The following CCSER1 variants were observed in gnomAD, a reference collection of about 807,000 sequenced individuals.
CCSER1 encodes the protein serine-rich coiled-coil domain-containing protein 1.
A neutral mutation model predicts 82.0 loss-of-function variants in CCSER1; 41 were observed. The observed-to-expected ratio is 0.50, with a 90% confidence interval of 0.39 to 0.65. CCSER1 has a LOEUF of 0.65. CCSER1 is among the 30% of genes least tolerant of loss of function. CCSER1 has a pLI of 0.00. For missense variants in CCSER1, 1,119 were observed against 1,064.2 expected (o/e 1.05, Z -0.72); for synonymous variants, 414 against 383.9 (o/e 1.08, Z -0.92).
At chr4:91,419,700 A>G (rs1395906957) in intron 10 of CCSER1, among the ~76,000 whole-genome samples, 1 of 152,052 alleles carries the variant, frequency 6.6e-6, no homozygotes, top group South Asian at 2.1e-4. Flanking sequence ...AATAGAAAAA[A>G]ATCTAAAATT....
At chr4:90,920,371 C>T (rs1287282637) in intron 8 of CCSER1, among the ~76,000 whole-genome samples, 1 of 151,978 alleles carries the variant, frequency 6.6e-6, no homozygotes, top group Non-Finnish European at 1.5e-5. Flanking sequence ...TCTATCCTTT[C>T]TGGCATAAAC....
chr4:90,508,837 G>A (rs1195121185), intron 5 of CCSER1, among the ~76,000 whole-genome samples: 1 of 151,906 alleles, frequency 6.6e-6, no homozygotes, highest in African/African-American at 2.4e-5. Context: ...ATTGACAATA[G>A]AAATAACTTT....
rs190446735 is a variant in CCSER1, at chr4:90,635,950, C to T, written c.1932+7718C>T. 1.8e-4 allele frequency among the ~76,000 whole-genome samples: 27 copies of T among 151,304 alleles called. No individual in the cohort carries two copies. The East Asian group carries it at 1.9e-3, about 11-fold the overall frequency. ...AAAAGAAGGGCAAATTAAATCCAAA[C>T]GAAGCATGTAGAAAGACATAATAAA... On this transcript the variant is annotated intron_variant, in intron 6 of 10. Transcript: ENST00000509176.
At chr4:91,582,770 C>T (rs764703686) in intron 10 of CCSER1, among the ~76,000 whole-genome samples, 3 of 151,330 alleles carry the variant, frequency 2.0e-5, no homozygotes, top group African/African-American at 4.8e-5. Context: ...GGATTATTTA[C>T]CTTAGGGAAA....
intron 7 of CCSER1, 124 bp from the exon 8 acceptor site, chr4:90,815,638 T>C: frequency 8.2e-6 from 5 of 610,150 alleles, no homozygotes; most frequent in Non-Finnish European, 1.4e-5. Flanking sequence ...TATCATACTA[T>C]AGAGGGAATT....
Position 91,598,590 on chromosome 4 carries a change from A to G in CCSER1, c.2236A>G (p.Ile746Val). ...ACCATAGGCTACATATCGAAATCGA[A>G]TTGTGAGCCAAAATCTCAGCACAAG... ...GGREATYRNR[I>V]VSQNLSTRDR... Residue 746 changes from isoleucine (I) to valine (V), a missense_variant, in exon 11 of 11, where the codon ATT becomes GTT. Coordinates refer to ENST00000509176, the MANE Select transcript of CCSER1 (RefSeq NM_001145065.2). The G allele has an allele frequency of 6.5e-7, 1 of 1,548,938 alleles. No individual in the cohort carries two copies. Among genetic ancestry groups the G allele is most frequent in the Non-Finnish European group, 8.7e-7 (1 of 1,145,146 alleles).
chr4:90,775,357 C>T (rs1023178928), intron 7 of CCSER1, among the ~76,000 whole-genome samples: 16 of 152,080 alleles, frequency 1.1e-4, no homozygotes, highest in African/African-American at 3.9e-4. Flanking sequence ...ATTATTATTC[C>T]ATTCAGGTAC....
At chr4:91,188,753 T>C (rs566774850) in intron 10 of CCSER1, among the ~76,000 whole-genome samples, 2 of 152,278 alleles carry the variant, frequency 1.3e-5, no homozygotes, top group South Asian at 4.1e-4. Context: ...TGCTTGATAC[T>C]TTTGTGATTC....
At chr4:90,385,119 C>A (rs140955367) in intron 3 of CCSER1, among the ~76,000 whole-genome samples, 2 of 152,180 alleles carry the variant, frequency 1.3e-5, no homozygotes, top group African/African-American at 4.8e-5. Context: ...TTTTCTTTAT[C>A]TACTCATCGG....
rs1248600879 is a variant in CCSER1 at position 90,127,631 on chromosome 4, C to G, written c.-242C>G. On this transcript the variant is annotated 5_prime_UTR_variant, in exon 1 of 11. Transcript: ENST00000509176. ...AAGCGGTGGCTCGGGCAGAGCAGCT[C>G]CGCTGGCGCAGGCAGGAGGAGCAGG... 1 of 152,868 alleles carries G rather than the reference C, an allele frequency of 6.5e-6. No individual in the cohort carries two copies. The highest frequency in any genetic ancestry group is 1.5e-5 in the Non-Finnish European group (1 of 68,588). The allele number at this position is 152,868 out of a possible 1,614,324, so 9.5% of individuals were successfully genotyped here. A position where few individuals can be genotyped will look rare whatever the true frequency, so the allele number is the denominator to read the frequency against.
chr4:91,494,080 C>T (rs535982724), intron 10 of CCSER1, among the ~76,000 whole-genome samples: 2 of 151,782 alleles, frequency 1.3e-5, no homozygotes, highest in African/African-American at 2.4e-5. Context: ...GAAGAGAGCA[C>T]GTTAGATAAG....
chr4:91,160,490 G>A (rs1237025278), intron 10 of CCSER1, among the ~76,000 whole-genome samples: 1 of 152,158 alleles, frequency 6.6e-6, no homozygotes, highest in Non-Finnish European at 1.5e-5. Context: ...TACAGTGGTT[G>A]AACTAGTTTA....
intron 10 of CCSER1, among the ~76,000 whole-genome samples, chr4:91,145,613 A>G (rs1729461482): frequency 6.6e-6 from 1 of 151,824 alleles, no homozygotes; most frequent in South Asian, 2.1e-4. Context: ...CTATCTTTAA[A>G]TCTCTCTTCG....
intron 5 of CCSER1, among the ~76,000 whole-genome samples, chr4:90,588,668 G>T (rs1364831698): frequency 1.3e-5 from 2 of 152,094 alleles, no homozygotes; most frequent in African/African-American, 2.4e-5. Context: ...ATATGTTGTG[G>T]GAGGGACCCA....
intron 10 of CCSER1, among the ~76,000 whole-genome samples, chr4:91,396,226 A>G (rs1751971804): frequency 6.6e-6 from 1 of 152,124 alleles, no homozygotes; most frequent in African/African-American, 2.4e-5. Flanking sequence ...TGAGGTAACC[A>G]TTATGCAAGC....
chr4:90,550,556 A>G (rs1177383873), intron 5 of CCSER1, among the ~76,000 whole-genome samples: 2 of 149,628 alleles, frequency 1.3e-5, no homozygotes, highest in East Asian at 3.8e-4. Context: ...AGAAAAATAT[A>G]TTATTGAGGC....
intron 10 of CCSER1, among the ~76,000 whole-genome samples, chr4:91,136,257 G>A (rs1187508797): frequency 6.6e-6 from 1 of 152,134 alleles, no homozygotes; most frequent in Non-Finnish European, 1.5e-5. Context: ...ACATTTGCCA[G>A]TGTTTTTTCC....
intron 10 of CCSER1, among the ~76,000 whole-genome samples, chr4:91,090,893 GTAC>G (rs549244913): frequency 3.3e-5 from 5 of 152,016 alleles, no homozygotes; most frequent in African/African-American, 7.2e-5. Flanking sequence ...CTGGAGATAC[GTAC>G]TCTCCTTTTC....
chr4:91,501,308 A>G (rs1321764329), intron 10 of CCSER1, among the ~76,000 whole-genome samples: 2 of 151,744 alleles, frequency 1.3e-5, no homozygotes, highest in Non-Finnish European at 2.9e-5. Context: ...AATGTTGCTT[A>G]TGTTCACAAC....
Sources: gnomAD v4.1 joint callset for allele counts (sites outside exome capture counted in the v4.1 genomes callset) on GRCh38, gnomAD v4.1.1 for gene constraint, MANE v1.5 for transcripts, NCBI Gene and HGNC (gene_info 2026-07-23, HGNC 2026-07-21) for gene names.